The following GPHN variants were observed in gnomAD, a reference collection of about 807,000 sequenced individuals.
GPHN encodes the protein gephyrin.
In GPHN, 17 loss-of-function variants were observed where a neutral mutation model predicts 95.5. The observed-to-expected ratio is 0.18, with a 90% CI of 0.12 to 0.27. The LOEUF (loss-of-function observed/expected upper bound fraction) is 0.27. Among genes scored for constraint, GPHN ranks in the 10% least tolerant of loss-of-function variants. GPHN has a pLI of 1.00. For synonymous variants in GPHN, 320 were observed against 322.5 expected (o/e 0.99, Z 0.08); for missense variants, 660 against 978.1 (o/e 0.67, Z 4.34).
chr14:66,902,624 T>C (rs2065175909), intron 5 of GPHN, among the ~76,000 whole-genome samples: 1 of 152,122 alleles, frequency 6.6e-6, no homozygotes, highest in Non-Finnish European at 1.5e-5. Context: ...ATTGAAATAA[T>C]CATAGGGTCT....
At chr14:67,731,657 T>C in the GPHN span, among the ~76,000 whole-genome samples, 1 of 152,090 alleles carries the variant, frequency 6.6e-6, no homozygotes, top group Non-Finnish European at 1.5e-5. Context: ...GTTAGTGATA[T>C]AATGTTGTAA....
the GPHN span, among the ~76,000 whole-genome samples, chr14:67,458,007 G>A: frequency 6.6e-6 from 1 of 152,196 alleles, no homozygotes; most frequent in East Asian, 1.9e-4. Flanking sequence ...AAGGATCCCT[G>A]TGGCCTGACA....
intron 4 of GPHN, among the ~76,000 whole-genome samples, chr14:66,848,356 T>C (rs1458599077): frequency 1.3e-5 from 2 of 152,060 alleles, no homozygotes; most frequent in Non-Finnish European, 2.9e-5. Flanking sequence ...GTATCTCTTA[T>C]AAGTTAAATT....
chr14:67,092,929 T>C (rs1276519822), intron 12 of GPHN, among the ~76,000 whole-genome samples: 3 of 152,142 alleles, frequency 2.0e-5, no homozygotes, highest in Non-Finnish European at 4.4e-5. Context: ...CACATCCTCC[T>C]ATATAGATGT....
the GPHN span, among the ~76,000 whole-genome samples, chr14:67,242,682 G>A: frequency 6.6e-6 from 1 of 150,620 alleles, no homozygotes; most frequent in Non-Finnish European, 1.5e-5. Context: ...AGGTTTTATA[G>A]GCTTTCTATT....
intron 3 of GPHN, among the ~76,000 whole-genome samples, chr14:66,790,237 C>CTG (rs2059924804): frequency 6.6e-6 from 1 of 152,136 alleles, no homozygotes; most frequent in Non-Finnish European, 1.5e-5. Context: ...TAAATGTAAC[C>CTG]TCCCAGGGGC....
the GPHN span, among the ~76,000 whole-genome samples, chr14:67,265,735 T>C: frequency 6.6e-6 from 1 of 151,034 alleles, no homozygotes; most frequent in Non-Finnish European, 1.5e-5. Flanking sequence ...CACGCCCCTG[T>C]AATCCCAGCT....
rs140027180 is a variant in GPHN, at chr14:66,622,749, G to T, written c.65-58358G>T. Among the ~76,000 whole-genome samples, 837 of 152,256 alleles carry T rather than the reference G, an allele frequency of 5.5e-3. 4 individuals carry two copies. Among genetic ancestry groups the T allele is most frequent in the African/African-American group, 0.019 (800 of 41,550 alleles). ...CATAGCAAGAGTCACCTTTGCTCCA[G>T]TTTCCAACAAGTTCCTCATCTCCTT... On this transcript the variant is annotated intron_variant, in intron 1 of 22. Coordinates refer to ENST00000478722, the MANE Select transcript of GPHN (RefSeq NM_020806.5).
the GPHN span, among the ~76,000 whole-genome samples, chr14:67,293,032 A>C: frequency 6.6e-6 from 1 of 152,158 alleles, no homozygotes; most frequent in African/African-American, 2.4e-5. Context: ...TATGAATTTT[A>C]AGCATTATAC....
chr14:66,573,532 A>C (rs2060781988), intron 1 of GPHN, among the ~76,000 whole-genome samples: 1 of 148,180 alleles, frequency 6.7e-6, no homozygotes, highest in African/African-American at 2.5e-5. Flanking sequence ...GGCTCATTGC[A>C]ACCTCTGCCT....
In GPHN at chr14:66,608,040, G is replaced by GTT. The variant is rs551854379; in HGVS notation, c.65-73054_65-73053dup. 8.8e-3 allele frequency among the ~76,000 whole-genome samples: 1,036 copies of GTT among 117,646 alleles called. 14 individuals are homozygous for GTT. Among genetic ancestry groups the GTT allele is most frequent in the East Asian group, 0.055 (211 of 3,816 alleles). The allele number at this position is 117,646 out of a possible 152,430, so 77.2% of individuals were successfully genotyped here. A position where few individuals can be genotyped will look rare whatever the true frequency, so the allele number is the denominator to read the frequency against. ...TTTCTTTTCTTTTATTAGCTTTGTGGTTTTTTTTTTTTTTCTAGTTCCTCT... is the reference window on the plus strand; with the variant it reads ...TTTCTTTTCTTTTATTAGCTTTGTGGTTTTTTTTTTTTTTTTCTAGTTCCTCT... On this transcript the variant is annotated intron_variant, in intron 1 of 22. Coordinates refer to ENST00000478722, the MANE Select transcript of GPHN (RefSeq NM_020806.5).
chr14:66,691,599 T>C (rs913678050), intron 2 of GPHN, among the ~76,000 whole-genome samples: 1 of 152,220 alleles, frequency 6.6e-6, no homozygotes, highest in Non-Finnish European at 1.5e-5. Flanking sequence ...GCATAGTGTT[T>C]ACCTACTATT....
intron 10 of GPHN, among the ~76,000 whole-genome samples, chr14:67,041,853 A>G (rs561356970): frequency 1.3e-5 from 2 of 152,170 alleles, no homozygotes; most frequent in Non-Finnish European, 2.9e-5. Context: ...ATGTGTTCCT[A>G]TTCTTCCACA....
chr14:67,466,731 C>T, the GPHN span, among the ~76,000 whole-genome samples: 2 of 151,956 alleles, frequency 1.3e-5, no homozygotes, highest in African/African-American at 4.8e-5. Flanking sequence ...AGTGGCTCAC[C>T]CCTGTAATCT....
At chr14:67,674,095 A>C in the GPHN span, among the ~76,000 whole-genome samples, 1 of 152,232 alleles carries the variant, frequency 6.6e-6, no homozygotes, top group Non-Finnish European at 1.5e-5. Context: ...ACATTACAGG[A>C]CCGCAGATGC....
intron 1 of GPHN, among the ~76,000 whole-genome samples, chr14:66,564,795 G>A (rs952569113): frequency 1.3e-5 from 2 of 152,140 alleles, no homozygotes; most frequent in African/African-American, 4.8e-5. Flanking sequence ...ATGCATAAAA[G>A]TGGTTGTGTG....
the GPHN span, among the ~76,000 whole-genome samples, chr14:67,687,662 G>T: frequency 2.2e-3 from 328 of 151,684 alleles, 1 homozygote; most frequent in African/African-American, 7.6e-3. Context: ...GTAGAGATGG[G>T]GTTTCTCCAT....
At chr14:66,982,283 A>G (rs763678337) in intron 9 of GPHN, among the ~76,000 whole-genome samples, 12 of 152,110 alleles carry the variant, frequency 7.9e-5, no homozygotes, top group Non-Finnish European at 1.2e-4. Flanking sequence ...ATCAAAGGGA[A>G]TCAACATCAC....
chr14:66,845,796 A>G (rs530377287), intron 4 of GPHN, among the ~76,000 whole-genome samples: 6 of 150,362 alleles, frequency 4.0e-5, no homozygotes, highest in South Asian at 4.2e-4. Flanking sequence ...AATTCGGTTT[A>G]GGTAATGTGC....
Sources: gnomAD v4.1 joint callset for allele counts (sites outside exome capture counted in the v4.1 genomes callset) on GRCh38, gnomAD v4.1.1 for gene constraint, MANE v1.5 for transcripts, NCBI Gene and HGNC (gene_info 2026-07-23, HGNC 2026-07-21) for gene names.